Variants in ATR observed in about 807,000 individuals in gnomAD.
ATR encodes the protein serine/threonine-protein kinase ATR.
In ATR, 142 loss-of-function variants were observed where a neutral mutation model predicts 305.3. The observed-to-expected ratio is 0.47, with a 90% CI of 0.41 to 0.53. ATR has a LOEUF of 0.53. Among genes scored for constraint, ATR ranks in the 20% least tolerant of loss-of-function variants. The pLI, the probability that ATR is intolerant of heterozygous loss-of-function variation, is 0.00. For missense variants in ATR, 2,135 were observed against 3,133.1 expected, an observed-to-expected ratio of 0.68 and a Z score of 7.60; for synonymous variants, 1,050 against 1,068.1, an observed-to-expected ratio of 0.98 and a Z score of 0.33.
At chr3:142,502,681 A>G (rs866693755) in intron 30 of ATR, among the ~76,000 whole-genome samples, 5 of 152,202 alleles carry the variant, frequency 3.3e-5, no homozygotes, top group Middle Eastern at 3.2e-3. Flanking sequence ...AGTGGCCTGT[A>G]TAATCTTTGT....
At chr3:142,534,412 TTC>T (rs1019988669) in intron 21 of ATR, among the ~76,000 whole-genome samples, 14 of 152,186 alleles carry the variant, frequency 9.2e-5, no homozygotes, top group Admixed American at 4.6e-4. Context: ...AAGTGCTTGC[TTC>T]TATTAATGGA....
rs371919176 is a variant in ATR, at chr3:142,519,699, C to T, written c.4352G>A (p.Arg1451Gln). 7 of 1,613,360 alleles carry T rather than the reference C, an allele frequency of 4.3e-6. No homozygotes were observed. The highest frequency in any genetic ancestry group is 1.1e-5 in the South Asian group (1 of 91,062). Residue 1451 changes from arginine (R) to glutamine (Q), a missense_variant, in exon 24 of 47, where the codon CGG (arginine) becomes CAG (glutamine). This residue lies in a region of ATR where 202 missense variants were observed against 252.9 expected (regional missense o/e 0.80). Coordinates refer to ENST00000350721, the MANE Select transcript of ATR (RefSeq NM_001184.4). Reference protein sequence around the residue: ...QLWRRFPEHVREILEPHLNTR... With the variant: ...QLWRRFPEHVQEILEPHLNTR... ...ATTTAGATGAGGTTCTAGTATTTCC[C>T]GAACATGCTCAGGAAATCTCCTCCA...
At chr3:142,468,618 T>C (rs1200561856) in intron 38 of ATR, among the ~76,000 whole-genome samples, 1 of 152,194 alleles carries the variant, frequency 6.6e-6, no homozygotes, top group East Asian at 1.9e-4. Context: ...CTAAATTCTC[T>C]AAACATTTAC....
Position 142,561,388 on chromosome 3 carries a change from T to A in ATR, c.1204A>T (p.Met402Leu). The change falls in exon 5 of 47, where the codon ATG becomes TTG. Residue 402 changes from methionine (M) to leucine (L), a missense_variant. Met to Leu is a conservative substitution (Grantham distance 15). Around this residue, in one of 9 missense-constraint regions of ATR, gnomAD observed 744 missense variants for 873.2 expected, o/e 0.85. Coordinates refer to ENST00000350721, the MANE Select transcript of ATR (RefSeq NM_001184.4). ...TCCTCAATGATTTCCATACTTTCCA[T>A]TTTCAAAGCTGCATAAAGTGGGCCC... ...LLGPLYAALK[M>L]ESMEIIEEIQ... 6.2e-7 allele frequency: 1 copy of A among 1,614,038 alleles called. No homozygotes were observed. Among genetic ancestry groups the A allele is most frequent in the Non-Finnish European group, 8.5e-7 (1 of 1,179,934 alleles).
chr3:142,513,391 G>C, intron 26 of ATR, 110 bp downstream of exon 26: 1 of 1,259,932 alleles, frequency 7.9e-7, no homozygotes, highest in Non-Finnish European at 1.2e-6. Context: ...AACATACATA[G>C]CCATACATAG....
chr3:142,576,217 G>A (rs1249885541), intron 1 of ATR, among the ~76,000 whole-genome samples: 1 of 152,190 alleles, frequency 6.6e-6, no homozygotes, highest in African/African-American at 2.4e-5. Flanking sequence ...TGACTCCTAG[G>A]CTTTTGGTTG....
Position 142,562,623 on chromosome 3 carries a change from C to T in ATR, c.779G>A (p.Gly260Glu). The T allele has an allele frequency of 1.2e-6, 2 of 1,614,050 alleles. No homozygotes were observed. The highest frequency in any genetic ancestry group is 1.7e-6 in the Non-Finnish European group (2 of 1,179,990). ...SFLTELFQLG[G>E]LPAQPASTFF... ...AGTGCTAGCTGGTTGTGCTGGTAGT[C>T]CTCCAAGCTGAAAAAGTTCTGTTAA... Residue 260 changes from glycine to glutamate, a missense_variant, in exon 4 of 47, where the codon GGA (glycine) becomes GAA (glutamate). Transcript: ENST00000350721.
chr3:142,541,884 A>T (rs1463174555), intron 17 of ATR, among the ~76,000 whole-genome samples: 1 of 152,146 alleles, frequency 6.6e-6, no homozygotes, highest in East Asian at 1.9e-4. Flanking sequence ...AATAAAAAAA[A>T]AAGGAGGGGA....
At chr3:142,560,583 CAG>C (rs1312424245) in intron 5 of ATR, 129 bp from the exon 6 acceptor site, 4 of 714,848 alleles carry the variant, frequency 5.6e-6, no homozygotes, top group East Asian at 2.9e-5. Context: ...TTTTGTGAGA[CAG>C]AGTCTCACTC....
intron 25 of ATR, among the ~76,000 whole-genome samples, chr3:142,514,778 G>C (rs1452711112): frequency 5.0e-5 from 7 of 140,540 alleles, no homozygotes; most frequent in African/African-American, 1.4e-4. Flanking sequence ...ACTGCACTCC[G>C]GCTGGGTGGC....
Position 142,497,000 on chromosome 3 carries a change from T to C in ATR, c.5738+13A>G, listed in dbSNP as rs559587204. ...AGATAAGTGACATTTTTAAAAAAAGTAGTGTGAGAAACCTTTTGTTGAGGC... is the reference window on the plus strand; with the variant it reads ...AGATAAGTGACATTTTTAAAAAAAGCAGTGTGAGAAACCTTTTGTTGAGGC... On this transcript the variant is annotated intron_variant, in intron 33 of 46. Coordinates refer to ENST00000350721, the MANE Select transcript of ATR (RefSeq NM_001184.4). 10 of 1,609,686 alleles carry C rather than the reference T, an allele frequency of 6.2e-6. No homozygotes were observed. The African/African-American group carries it at 1.2e-4, about 19-fold the overall frequency.
Position 142,553,396 on chromosome 3 carries a change from G to T in ATR, c.2636C>A (p.Ala879Asp), listed in dbSNP as rs1226032953. 2 of 1,612,712 alleles carry T rather than the reference G, an allele frequency of 1.2e-6. No homozygotes were observed. Among genetic ancestry groups the T allele is most frequent in the Non-Finnish European group, 8.5e-7 (1 of 1,179,564 alleles). The stretch of plus-strand genomic sequence containing the variant: ...AAATGGTACCAAATCTCCTTTTGCG[G>T]CCCTAAAATTAAAAACAACATACAT... ...LILTTGDIGR[A>D]AKGDLVPFAL... Residue 879 changes from alanine (A) to aspartate (D), a missense_variant and splice_region_variant, in exon 13 of 47, where the codon GCC becomes GAC. Around this residue, in one of 9 missense-constraint regions of ATR, gnomAD observed 530 missense variants for 766.8 expected, o/e 0.69. Transcript: ENST00000350721.
In ATR at chr3:142,563,036, T is replaced by A; in HGVS notation, c.366A>T (p.Lys122Asn). The change falls in exon 4 of 47, where the codon AAA (lysine) becomes AAT (asparagine). Residue 122 changes from lysine to asparagine, a missense_variant. Coordinates refer to ENST00000350721, the MANE Select transcript of ATR (RefSeq NM_001184.4). ...ATAATGAACAGATGACTTCACAGAT[T>A]TTCTTGTGTAACAAATGACAGGAGG... ...ATPSCHLLHK[K>N]ICEVICSLLF... 6.3e-7 allele frequency: 1 copy of A among 1,599,666 alleles called. No homozygotes were observed. Among genetic ancestry groups the A allele is most frequent in the Non-Finnish European group, 8.5e-7 (1 of 1,175,590 alleles).
chr3:142,465,867 A>G (rs568194988), intron 40 of ATR: 5 of 174,236 alleles, frequency 2.9e-5, no homozygotes, highest in African/African-American at 4.8e-5. Context: ...TTAGCTGGGC[A>G]TGGTGACATG....
intron 36 of ATR, among the ~76,000 whole-genome samples, chr3:142,474,235 T>G (rs190977558): frequency 1.7e-3 from 254 of 151,758 alleles, no homozygotes; most frequent in Admixed American, 3.7e-3. Flanking sequence ...CCAGAATTTT[T>G]AAACAAAACA....
At chr3:142,458,934 G>A (rs752993414) in intron 44 of ATR, 24 bp downstream of exon 44, 1 of 1,610,636 alleles carries the variant, frequency 6.2e-7, no homozygotes, top group South Asian at 1.1e-5. Context: ...AACACAATTA[G>A]TAAGAGTAAC....
At chr3:142,543,143 T>C (rs2034117881) in intron 16 of ATR, among the ~76,000 whole-genome samples, 1 of 152,174 alleles carries the variant, frequency 6.6e-6, no homozygotes, top group Non-Finnish European at 1.5e-5. Context: ...CCTTATTCTA[T>C]GACATTTAGA....
At position 142,485,087 on chromosome 3, in the gene ATR, T is replaced by C. The variant is rs2108310384; in HGVS notation, c.6221+53A>G. The stretch of plus-strand genomic sequence containing the variant: ...AAGACATGTGATAACAGTTTCAATA[T>C]TAATAGTCATCCTTACATATTTAAT... On this transcript the variant is annotated intron_variant, in intron 36 of 46. Coordinates refer to ENST00000350721, the MANE Select transcript of ATR (RefSeq NM_001184.4). 1.9e-6 allele frequency: 3 copies of C among 1,603,676 alleles called. No homozygotes were observed. In the South Asian group the frequency reaches 3.3e-5, roughly 18 times the overall value.
intron 23 of ATR, among the ~76,000 whole-genome samples, chr3:142,521,051 T>C (rs2033129035): frequency 6.6e-6 from 1 of 152,186 alleles, no homozygotes; most frequent in Non-Finnish European, 1.5e-5. Flanking sequence ...CTAGGGCTGT[T>C]AGGAATTAGG....
Sources: gnomAD v4.1 joint callset for allele counts (sites outside exome capture counted in the v4.1 genomes callset) on GRCh38, gnomAD v4.1.1 for gene constraint, gnomAD v4.1.1 regional missense constraint, MANE v1.5 for transcripts, NCBI Gene and HGNC (gene_info 2026-07-23, HGNC 2026-07-21) for gene names.